Variants in DIP2C observed in about 807,000 individuals in gnomAD.
DIP2C encodes disco-interacting protein 2 homolog C.
In DIP2C, 33 loss-of-function variants were observed where a neutral mutation model predicts 192.4. The ratio of observed to expected loss-of-function variants is 0.17; its 90% CI spans 0.13 to 0.23. The LOEUF is 0.23. DIP2C is among the 10% of genes least tolerant of loss of function. DIP2C has a pLI of 1.00. For missense variants in DIP2C, 1,537 were observed against 2,110.1 expected (o/e 0.73, Z 5.32); for synonymous variants, 979 against 864.1 (o/e 1.13, Z -2.33).
At chr10:535,191 G>A (rs979277908) in intron 1 of DIP2C, among the ~76,000 whole-genome samples, 1 of 152,066 alleles carries the variant, frequency 6.6e-6, no homozygotes, top group African/African-American at 2.4e-5. Flanking sequence ...GCCTGTTCAG[G>A]AGAAGGTGGC....
intron 1 of DIP2C, among the ~76,000 whole-genome samples, chr10:563,239 C>T (rs1172855956): frequency 6.6e-6 from 1 of 152,184 alleles, no homozygotes; most frequent in East Asian, 1.9e-4. Flanking sequence ...GATTTTAAGG[C>T]TTGGGGCTGC....
At chr10:388,048 A>G (rs7092931) in intron 13 of DIP2C, among the ~76,000 whole-genome samples, 91,254 of 152,010 alleles carry the variant, frequency 0.6, 27,487 homozygotes, top group East Asian at 0.78. Context: ...TCCACACTGC[A>G]CCTTAAAACG....
chr10:391,564 G>C (rs1452187717), intron 10 of DIP2C, among the ~76,000 whole-genome samples: 1 of 152,260 alleles, frequency 6.6e-6, no homozygotes, highest in Non-Finnish European at 1.5e-5. Flanking sequence ...AAAGGCAGGT[G>C]GGCGAGCAGC....
intron 3 of DIP2C, among the ~76,000 whole-genome samples, chr10:457,718 G>A (rs975788298): frequency 1.3e-5 from 2 of 150,812 alleles, no homozygotes; most frequent in South Asian, 4.1e-4. Flanking sequence ...CACCACACCC[G>A]GCTAGTCTTT....
At chr10:688,880 G>T (rs1349421589) in intron 1 of DIP2C, among the ~76,000 whole-genome samples, 1 of 151,430 alleles carries the variant, frequency 6.6e-6, no homozygotes, top group Non-Finnish European at 1.5e-5. Flanking sequence ...CGCAGCGCCC[G>T]CGAACAATGG....
chr10:555,448 G>C (rs566651428), intron 1 of DIP2C, among the ~76,000 whole-genome samples: 175 of 152,272 alleles, frequency 1.1e-3, no homozygotes, highest in Admixed American at 2.0e-3. Context: ...CTCAGTCGCC[G>C]AATCTCCCTG....
chr10:513,970 G>A (rs1377777956), intron 1 of DIP2C, among the ~76,000 whole-genome samples: 1 of 152,242 alleles, frequency 6.6e-6, no homozygotes, highest in Non-Finnish European at 1.5e-5. Context: ...GTGCTGAAAT[G>A]TGTACAGTCT....
chr10:466,677 TCAAA>T (rs1379370038), intron 3 of DIP2C, among the ~76,000 whole-genome samples: 5 of 150,114 alleles, frequency 3.3e-5, no homozygotes, highest in African/African-American at 7.3e-5. Flanking sequence ...TACAATGAAC[TCAAA>T]CAAATTTACA....
intron 1 of DIP2C, chr10:664,843 C>T (rs1856989658): frequency 6.6e-6 from 1 of 152,200 alleles, no homozygotes; most frequent in Non-Finnish European, 1.5e-5. Flanking sequence ...AAACTCCTAA[C>T]TTAATACTAA....
chr10:351,030 G>A (rs1256713562), intron 24 of DIP2C, among the ~76,000 whole-genome samples: 3 of 152,108 alleles, frequency 2.0e-5, no homozygotes, highest in Non-Finnish European at 4.4e-5. Context: ...CAAGGCTGTC[G>A]GGACCGGACG....
Position 350,262 on chromosome 10 carries a change from T to C in DIP2C, c.2986-808A>G, listed in dbSNP as rs562385733. On this transcript the variant is annotated intron_variant, in intron 24 of 36. Transcript: ENST00000280886. ...TGACTGGCTAATTTTAAAAAAAAAT[T>C]CTCTCATAGAGATGGGGTCTCCCTA... Among the ~76,000 whole-genome samples, 51 of 152,218 alleles carry C rather than the reference T, an allele frequency of 3.4e-4. 1 individual carries two copies. The highest frequency in any genetic ancestry group is 1.2e-3 in the African/African-American group (49 of 41,532).
At chr10:565,967 A>T (rs1422603389) in intron 1 of DIP2C, among the ~76,000 whole-genome samples, 1 of 152,180 alleles carries the variant, frequency 6.6e-6, no homozygotes. Context: ...CTCCTGCTGG[A>T]GGCAGCACCT....
At position 349,450 on chromosome 10, in the gene DIP2C, G is replaced by A. The variant is rs773324202; in HGVS notation, c.2990C>T (p.Ala997Val). ...CACGCAGGTCAGCGAGTTCGCTATCGCACCCTGCGGGCCGATCACAGGGAC... is the reference window on the plus strand; with the variant it reads ...CACGCAGGTCAGCGAGTTCGCTATCACACCCTGCGGGCCGATCACAGGGAC... Reference protein sequence around the residue: ...ILYTLLNCRGAIANSLTCVQL... With the variant: ...ILYTLLNCRGVIANSLTCVQL... Residue 997 changes from alanine (A) to valine (V), a missense_variant, in exon 25 of 37, where the codon GCG becomes GTG. By Grantham distance (64) the Ala-to-Val change is moderately conservative. Transcript: ENST00000280886. 1.5e-5 allele frequency: 24 copies of A among 1,604,656 alleles called. 1 individual carries two copies. The highest frequency in any genetic ancestry group is 6.7e-5 in the East Asian group (3 of 44,756).
chr10:433,393 T>C (rs74745080), intron 4 of DIP2C, among the ~76,000 whole-genome samples: 2,258 of 152,298 alleles, frequency 0.015, 30 homozygotes, highest in Middle Eastern at 0.034. Context: ...TTAAAATTAG[T>C]GTTGGCTGGG....
chr10:639,688 T>C (rs1855055492), intron 1 of DIP2C, among the ~76,000 whole-genome samples: 1 of 152,222 alleles, frequency 6.6e-6, no homozygotes, highest in African/African-American at 2.4e-5. Context: ...TTGCACTGAA[T>C]AGTTTAGAGC....
At chr10:640,903 C>T (rs1203232011) in intron 1 of DIP2C, among the ~76,000 whole-genome samples, 3 of 152,064 alleles carry the variant, frequency 2.0e-5, no homozygotes, top group Non-Finnish European at 4.4e-5. Flanking sequence ...AGAGGGGCTG[C>T]ATGAACCAGC....
intron 31 of DIP2C, among the ~76,000 whole-genome samples, chr10:325,281 A>AC (rs1957225698): frequency 6.6e-6 from 1 of 152,174 alleles, no homozygotes; most frequent in Admixed American, 6.5e-5. Context: ...AAACAAACAA[A>AC]AAAAAAACAT....
intron 1 of DIP2C, among the ~76,000 whole-genome samples, chr10:638,642 A>T (rs992819840): frequency 1.3e-5 from 2 of 152,244 alleles, no homozygotes; most frequent in African/African-American, 4.8e-5. Context: ...AAAAGGGCTG[A>T]CGAGGCCAAG....
At chr10:418,926 G>C (rs1965984828) in intron 6 of DIP2C, 139 bp downstream of exon 6, 2 of 1,295,548 alleles carry the variant, frequency 1.5e-6, no homozygotes, top group Admixed American at 2.5e-5. Flanking sequence ...TTCCATGAGA[G>C]GCTCCCGAAG....
Sources: gnomAD v4.1 joint callset for allele counts (sites outside exome capture counted in the v4.1 genomes callset) on GRCh38, gnomAD v4.1.1 for gene constraint, MANE v1.5 for transcripts, NCBI Gene and HGNC (gene_info 2026-07-23, HGNC 2026-07-21) for gene names.